Variants in UNC5B observed in about 807,000 individuals in gnomAD.
UNC5B encodes unc-5 netrin receptor B, also known as netrin receptor UNC5B.
A neutral mutation model predicts 103.7 loss-of-function variants in UNC5B; 56 were observed. The ratio of observed to expected loss-of-function variants is 0.54; its 90% CI spans 0.44 to 0.67. UNC5B has a LOEUF of 0.67. UNC5B is among the 30% of genes least tolerant of loss of function. The pLI is 0.00. For missense variants in UNC5B, 1,194 were observed against 1,284.5 expected (o/e 0.93, Z 1.08); for synonymous variants, 577 against 542.0 (o/e 1.06, Z -0.90).
At position 71,285,366 on chromosome 10, in the gene UNC5B, G is replaced by A. The variant is rs1308833937; in HGVS notation, c.489G>A (p.Glu163=). The A allele has an allele frequency of 6.2e-7, 1 of 1,611,572 alleles. No homozygotes were observed. The highest frequency in any genetic ancestry group is 8.5e-7 in the Non-Finnish European group (1 of 1,179,318). Residue 163 remains glutamate, a synonymous_variant, in exon 4 of 17, where the codon GAG becomes GAA. Transcript: ENST00000335350. ...KNFDQEPLGK[E]VPLDHEVLLQ... ...TCGATCAGGAGCCTCTGGGCAAGGA[G>A]GTGCCCCTGGACCATGAGGTTCTCC...
intron 14 of UNC5B, among the ~76,000 whole-genome samples, chr10:71,296,293 A>G (rs1400507785): frequency 6.6e-6 from 1 of 152,130 alleles, no homozygotes; most frequent in African/African-American, 2.4e-5. Context: ...TGACAGCCAC[A>G]GCCCGCTGCC....
intron 1 of UNC5B, among the ~76,000 whole-genome samples, chr10:71,221,720 G>A (rs1261763050): frequency 6.6e-6 from 1 of 152,166 alleles, no homozygotes; most frequent in Non-Finnish European, 1.5e-5. Context: ...CATGAGCCAA[G>A]ATGTGTGTGT....
intron 1 of UNC5B, among the ~76,000 whole-genome samples, chr10:71,257,478 T>C (rs1564719835): frequency 1.3e-5 from 2 of 152,210 alleles, no homozygotes; most frequent in Non-Finnish European, 2.9e-5. Context: ...AGTGCCTCAG[T>C]GTATCCCATC....
At chr10:71,285,532 A>G in intron 4 of UNC5B, 103 bp downstream of exon 4, 1 of 992,240 alleles carries the variant, frequency 1.0e-6, no homozygotes, top group Non-Finnish European at 1.4e-6. Flanking sequence ...AGTCTCCCAG[A>G]GCCCTGCCCC....
intron 1 of UNC5B, among the ~76,000 whole-genome samples, chr10:71,242,828 ACT>A (rs1273066851): frequency 5.9e-5 from 9 of 151,574 alleles, no homozygotes; most frequent in Non-Finnish European, 2.9e-5. Context: ...CCACGGTGTC[ACT>A]CTCTCTGTCC....
At chr10:71,229,774 G>A (rs1589152715) in intron 1 of UNC5B, among the ~76,000 whole-genome samples, 1 of 152,044 alleles carries the variant, frequency 6.6e-6, no homozygotes, top group Admixed American at 6.5e-5. Context: ...CTTAGGAACC[G>A]CAGTCTTGCA....
Position 71,262,304 on chromosome 10 carries a change from C to T in UNC5B, c.80-17517C>T, listed in dbSNP as rs1028945793. On this transcript the variant is annotated intron_variant, in intron 1 of 16. Transcript: ENST00000335350. ...GACTCTAATTATAGCATACTGGGTC[C>T]GGGCTGGAGTGGGTTGGGGGAGGGA... Among the ~76,000 whole-genome samples, 16 of 150,116 alleles carry T rather than the reference C, an allele frequency of 1.1e-4. 1 individual carries two copies. The highest frequency in any genetic ancestry group is 1.1e-3 in the South Asian group (5 of 4,714).
intron 13 of UNC5B, 48 bp downstream of exon 13, chr10:71,293,981 T>G (rs765892575): frequency 1.3e-6 from 2 of 1,494,408 alleles, no homozygotes; most frequent in East Asian, 4.9e-5. Context: ...GCCAGCTGCA[T>G]GATCCCTGCC....
At chr10:71,248,572 A>T (rs1844096465) in intron 1 of UNC5B, among the ~76,000 whole-genome samples, 1 of 152,172 alleles carries the variant, frequency 6.6e-6, no homozygotes, top group African/African-American at 2.4e-5. Flanking sequence ...TTAGTAATTT[A>T]TGTATTAGGC....
intron 8 of UNC5B, among the ~76,000 whole-genome samples, chr10:71,289,538 A>T (rs1465764470): frequency 6.6e-6 from 1 of 152,204 alleles, no homozygotes; most frequent in African/African-American, 2.4e-5. Context: ...CTGCAATCAT[A>T]TCAGAGCAGC....
chr10:71,299,223 G>A lies in UNC5B; in HGVS notation c.2784G>A (p.Glu928=). 1 of 1,614,228 alleles carries A rather than the reference G, an allele frequency of 6.2e-7. No individual in the cohort carries two copies. The highest frequency in any genetic ancestry group is 8.5e-7 in the Non-Finnish European group (1 of 1,180,028). ...GDLNSLASAL[E]EMGKSEMLVA... Reference sequence around the variant, plus strand: ...TCAACAGCCTGGCGAGTGCCTTGGAGGAGATGGGCAAGAGTGAGATGCTGG... The same window carrying A: ...TCAACAGCCTGGCGAGTGCCTTGGAAGAGATGGGCAAGAGTGAGATGCTGG... Residue 928 remains glutamate, a synonymous_variant, in exon 17 of 17, where the codon GAG becomes GAA. Coordinates refer to ENST00000335350, the MANE Select transcript of UNC5B (RefSeq NM_170744.5).
At position 71,293,308 on chromosome 10, in the gene UNC5B, C is replaced by T. The variant is rs1845313893; in HGVS notation, c.1773-97C>T. 1.7e-5 allele frequency: 24 copies of T among 1,406,274 alleles called. No homozygotes were observed. The South Asian group carries it at 2.3e-4, about 13-fold the overall frequency. 87.1% of individuals were successfully genotyped at this position (1,406,274 alleles called of 1,614,324 possible). On this transcript the variant is annotated intron_variant, in intron 11 of 16. Transcript: ENST00000335350. ...CCCTGAGTGGCAAAGAGCTGCCCTC[C>T]ACCTCCCGGGCCCTGGGCAGACTTG...
chr10:71,221,670 A>G (rs919320454), intron 1 of UNC5B, among the ~76,000 whole-genome samples: 2 of 152,152 alleles, frequency 1.3e-5, no homozygotes, highest in African/African-American at 4.8e-5. Context: ...CTGGGGTGCA[A>G]GGGGGATTAG....
chr10:71,253,720 G>T (rs1844227994), intron 1 of UNC5B, among the ~76,000 whole-genome samples: 1 of 152,150 alleles, frequency 6.6e-6, no homozygotes, highest in Non-Finnish European at 1.5e-5. Context: ...AGGAGAGTTG[G>T]GTGGGGGTGT....
At chr10:71,284,973 G>A in intron 3 of UNC5B, 110 bp downstream of exon 3, 3 of 1,459,038 alleles carry the variant, frequency 2.1e-6, no homozygotes, top group African/African-American at 2.8e-5. Context: ...CCCTGGCTGA[G>A]GATGCCCACG....
chr10:71,297,067 A>G lies in UNC5B; in HGVS notation c.2490+325A>G, dbSNP rs113777009. On this transcript the variant is annotated intron_variant, in intron 15 of 16. Coordinates refer to ENST00000335350, the MANE Select transcript of UNC5B (RefSeq NM_170744.5). ...TGAGGGAAGGGCCGCCAGATATTCC[A>G]GCTGCACACCACGCTGGTGGAGGTG... Among the ~76,000 whole-genome samples, 148 of 138,084 alleles carry G rather than the reference A, an allele frequency of 1.1e-3. 4 individuals carry two copies. The highest frequency in any genetic ancestry group is 2.6e-3 in the African/African-American group (93 of 35,902). 90.6% of individuals were successfully genotyped at this position (138,084 alleles called of 152,430 possible).
intron 1 of UNC5B, among the ~76,000 whole-genome samples, chr10:71,229,678 C>T (rs1843644435): frequency 6.6e-6 from 1 of 152,242 alleles, no homozygotes; most frequent in African/African-American, 2.4e-5. Context: ...GGGGCATCTC[C>T]CTCTCACTTC....
chr10:71,293,959 C>T, intron 13 of UNC5B, 26 bp downstream of exon 13: 4 of 1,549,964 alleles, frequency 2.6e-6, no homozygotes, highest in Non-Finnish European at 3.5e-6. Context: ...GGTGCCCACA[C>T]AGCCCTGGCC....
intron 1 of UNC5B, among the ~76,000 whole-genome samples, chr10:71,266,847 C>T (rs1844535738): frequency 6.6e-6 from 1 of 152,164 alleles, no homozygotes; most frequent in East Asian, 1.9e-4. Flanking sequence ...ATCAGCAGTT[C>T]ACACATTTTA....
Sources: allele counts gnomAD v4.1 joint callset (sites outside exome capture counted in the v4.1 genomes callset), GRCh38; gene constraint gnomAD v4.1.1; transcripts MANE v1.5; gene names NCBI Gene and HGNC (gene_info 2026-07-23, HGNC 2026-07-21).